ZMYM4: variants seen among roughly 807,000 people sequenced by gnomAD.
The protein encoded by ZMYM4 is zinc finger MYM-type containing 4.
Under a neutral mutation model 183.2 loss-of-function variants are expected in ZMYM4, and 31 were observed. The observed-to-expected ratio is 0.17, with a 90% CI of 0.13 to 0.23. ZMYM4 has a LOEUF of 0.23. ZMYM4 is among the 10% of genes least tolerant of loss of function. ZMYM4 has a pLI of 1.00. For synonymous variants in ZMYM4, 592 were observed against 631.2 expected, an observed-to-expected ratio of 0.94 and a Z score of 0.93; for missense variants, 1,273 against 1,840.3, an observed-to-expected ratio of 0.69 and a Z score of 5.64.
In ZMYM4 at chr1:35,397,239, C is replaced by G. The variant is rs6703601; in HGVS notation, c.3031-138C>G. The G allele has an allele frequency of 8.3e-4, 920 of 1,112,566 alleles. 5 individuals are homozygous for G. The African/African-American group carries it at 0.013, about 16-fold the overall frequency. 68.9% of individuals were successfully genotyped at this position (1,112,566 alleles called of 1,614,324 possible). A position where few individuals can be genotyped will look rare whatever the true frequency, so the allele number is the denominator to read the frequency against. On this transcript the variant is annotated intron_variant, in intron 19 of 29. Coordinates refer to ENST00000314607, the MANE Select transcript of ZMYM4 (RefSeq NM_005095.3). ...CTCTAGTCTTATAAAAACAAACTAGCAAGACTATTTTAATCATCAGCAATG... is the reference window on the plus strand; with the variant it reads ...CTCTAGTCTTATAAAAACAAACTAGGAAGACTATTTTAATCATCAGCAATG...
At chr1:35,276,473 G>C (rs1341645199) in intron 1 of ZMYM4, among the ~76,000 whole-genome samples, 1 of 152,046 alleles carries the variant, frequency 6.6e-6, no homozygotes, top group East Asian at 1.9e-4. Context: ...CCTTAATCCA[G>C]TCTGTGTTCA....
intron 7 of ZMYM4, among the ~76,000 whole-genome samples, chr1:35,379,711 G>C (rs1329837295): frequency 6.6e-6 from 1 of 152,228 alleles, no homozygotes; most frequent in Non-Finnish European, 1.5e-5. Context: ...AGTGAGAAAT[G>C]TGGGACTCTT....
At chr1:35,318,214 A>G (rs1464117168) in intron 1 of ZMYM4, among the ~76,000 whole-genome samples, 1 of 151,732 alleles carries the variant, frequency 6.6e-6, no homozygotes, top group African/African-American at 2.4e-5. Context: ...ACGTGCCACC[A>G]TGCCTGGCAA....
chr1:35,354,599 T>TGTGGTGGCA lies in ZMYM4; in HGVS notation c.86-4325_86-4324insTGGTGGCAG. On this transcript the variant is annotated intron_variant, in intron 2 of 29. Coordinates refer to ENST00000314607, the MANE Select transcript of ZMYM4 (RefSeq NM_005095.3). ...AAAATTAGCCGGGTGTGGTGGCAGG[T>TGTGGTGGCA]GCCTGTAATCCCAGCTACTCAGGAG... Among the ~76,000 whole-genome samples the TGTGGTGGCA allele has an allele frequency of 1.3e-5, 2 of 151,756 alleles. 1 individual carries two copies. The highest frequency in any genetic ancestry group is 2.9e-5 in the Non-Finnish European group (2 of 67,904).
chr1:35,292,103 A>G (rs1404926631), intron 1 of ZMYM4: 1 of 152,180 alleles, frequency 6.6e-6, no homozygotes, highest in African/African-American at 2.4e-5. Context: ...CAGACACACA[A>G]ATTTAATTTT....
chr1:35,406,428 G>A (rs1645003713), intron 25 of ZMYM4, among the ~76,000 whole-genome samples: 1 of 152,170 alleles, frequency 6.6e-6, no homozygotes, highest in African/African-American at 2.4e-5. Context: ...GCTGAATCAG[G>A]AGGATCTCCT....
intron 2 of ZMYM4, among the ~76,000 whole-genome samples, chr1:35,352,269 GCACACA>G (rs56011152): frequency 0.48 from 60,199 of 124,126 alleles, 14,704 homozygotes; most frequent in Middle Eastern, 0.56. Context: ...ACGCGCGCGC[GCACACA>G]CACACACACA....
chr1:35,392,811 A>G (rs1644735207), intron 17 of ZMYM4, 127 bp downstream of exon 17: 1 of 653,404 alleles, frequency 1.5e-6, no homozygotes, highest in South Asian at 2.7e-5. Context: ...AGCTCATTTA[A>G]TCTTTGTTCA....
chr1:35,323,297 C>T (rs111360061), intron 1 of ZMYM4, among the ~76,000 whole-genome samples: 16 of 151,884 alleles, frequency 1.1e-4, no homozygotes, highest in Non-Finnish European at 1.8e-4. Context: ...CCACTGCACC[C>T]GGCTGGACAA....
At chr1:35,388,086 T>C (rs600058) in intron 13 of ZMYM4, among the ~76,000 whole-genome samples, 2 of 152,256 alleles carry the variant, frequency 1.3e-5, no homozygotes, top group African/African-American at 2.4e-5. Flanking sequence ...TATTTTACTC[T>C]AAAGCTGTAT....
intron 13 of ZMYM4, 50 bp downstream of exon 13, chr1:35,387,654 G>A: frequency 6.5e-7 from 1 of 1,548,432 alleles, no homozygotes; most frequent in Middle Eastern, 1.7e-4. Flanking sequence ...TTGTTTTAAA[G>A]CAGTTGATGA....
rs915526996 is a variant in ZMYM4, at chr1:35,322,496, A to G, written c.40-2864A>G. ...TAGTGATTGTGATCCAAATTTTTTC[A>G]CCTTAAATGGTTGTCATCTTCTAGT... On this transcript the variant is annotated intron_variant, in intron 1 of 29. Coordinates refer to ENST00000314607, the MANE Select transcript of ZMYM4 (RefSeq NM_005095.3). Among the ~76,000 whole-genome samples the G allele has an allele frequency of 5.9e-5, 9 of 151,634 alleles. No individual in the cohort carries two copies. The East Asian group carries it at 1.7e-3, about 29-fold the overall frequency.
At chr1:35,280,260 TTCTCTC>T (rs140943218) in intron 1 of ZMYM4, among the ~76,000 whole-genome samples, 3 of 129,228 alleles carry the variant, frequency 2.3e-5, no homozygotes, top group Middle Eastern at 3.6e-3. Context: ...CTTTCTCTCT[TTCTCTC>T]TCTCTCTCTC....
At chr1:35,308,084 T>C (rs1557966721) in intron 1 of ZMYM4, among the ~76,000 whole-genome samples, 1 of 152,058 alleles carries the variant, frequency 6.6e-6, no homozygotes, top group Non-Finnish European at 1.5e-5. Context: ...CTCCACCTCC[T>C]GGGTTCAAGC....
At chr1:35,388,758 A>C in intron 13 of ZMYM4, 152 bp from the exon 14 acceptor site, 1 of 649,908 alleles carries the variant, frequency 1.5e-6, no homozygotes, top group South Asian at 2.0e-5. Flanking sequence ...GGCTGGTCTC[A>C]AACTCCTGGG....
intron 1 of ZMYM4, among the ~76,000 whole-genome samples, chr1:35,282,978 T>G (rs1640253865): frequency 7.8e-6 from 1 of 127,452 alleles, no homozygotes; most frequent in Non-Finnish European, 1.6e-5. Flanking sequence ...TCTGTGTGTG[T>G]GGTTTTTTTT....
intron 26 of ZMYM4, among the ~76,000 whole-genome samples, chr1:35,413,764 T>G (rs1336051641): frequency 2.6e-5 from 4 of 152,180 alleles, no homozygotes; most frequent in Non-Finnish European, 5.9e-5. Flanking sequence ...GCAAGGTCAG[T>G]GCTGAAGATA....
At chr1:35,274,280 C>T (rs992154372) in intron 1 of ZMYM4, among the ~76,000 whole-genome samples, 6 of 152,036 alleles carry the variant, frequency 3.9e-5, no homozygotes, top group African/African-American at 1.4e-4. Context: ...CACTGCTTCC[C>T]ATCTTGTAAC....
At chr1:35,354,588 G>A (rs1224965912) in intron 2 of ZMYM4, among the ~76,000 whole-genome samples, 1 of 151,964 alleles carries the variant, frequency 6.6e-6, no homozygotes, top group Non-Finnish European at 1.5e-5. Context: ...TTAGCCGGGT[G>A]TGGTGGCAGG....
Sources: gnomAD v4.1 joint callset for allele counts (sites outside exome capture counted in the v4.1 genomes callset) on GRCh38, gnomAD v4.1.1 for gene constraint, MANE v1.5 for transcripts, NCBI Gene and HGNC (gene_info 2026-07-23, HGNC 2026-07-21) for gene names.